Variants in TEAD1 observed in about 807,000 individuals in gnomAD.
The protein encoded by TEAD1 is transcriptional enhancer factor TEF-1.
In TEAD1, 9 loss-of-function variants were observed where a neutral mutation model predicts 54.9. The observed-to-expected ratio is 0.16, with a 90% CI of 0.10 to 0.29. The LOEUF (loss-of-function observed/expected upper bound fraction) is 0.29, where lower values mean the gene tolerates loss of function less well. Among genes scored for constraint, TEAD1 ranks in the 10% least tolerant of loss-of-function variants. The pLI, the probability that TEAD1 is intolerant of heterozygous loss-of-function variation, is 1.00. For missense variants in TEAD1, 387 were observed against 535.9 expected (o/e 0.72, Z 2.74); for synonymous variants, 200 against 187.8 (o/e 1.07, Z -0.53).
chr11:12,704,957 A>G (rs758410660), intron 2 of TEAD1, among the ~76,000 whole-genome samples: 1 of 152,180 alleles, frequency 6.6e-6, no homozygotes, highest in Non-Finnish European at 1.5e-5. Flanking sequence ...TGTATGCCCA[A>G]CTCTGTGCTT....
chr11:12,787,807 T>G (rs1945710379), intron 3 of TEAD1, among the ~76,000 whole-genome samples: 1 of 152,214 alleles, frequency 6.6e-6, no homozygotes, highest in Non-Finnish European at 1.5e-5. Flanking sequence ...AGAAAAATAC[T>G]GAGGCTATAA....
chr11:12,794,406 TTGTC>T (rs1356098530), intron 3 of TEAD1, among the ~76,000 whole-genome samples: 4 of 152,208 alleles, frequency 2.6e-5, no homozygotes, highest in South Asian at 2.1e-4. Context: ...AGAATAAACT[TTGTC>T]TGTGTATTAT....
intron 3 of TEAD1, among the ~76,000 whole-genome samples, chr11:12,854,465 C>T (rs1947332849): frequency 6.6e-6 from 1 of 152,176 alleles, no homozygotes; most frequent in African/African-American, 2.4e-5. Flanking sequence ...AGTAGCTGTG[C>T]TGTGTGCTGT....
chr11:12,834,793 T>C (rs1946854087), intron 3 of TEAD1, among the ~76,000 whole-genome samples: 1 of 151,524 alleles, frequency 6.6e-6, no homozygotes, highest in African/African-American at 2.4e-5. Context: ...ATTTTAAGTT[T>C]GTTTGTAGAG....
chr11:12,679,104 C>T (rs920321582), intron 2 of TEAD1, among the ~76,000 whole-genome samples: 1 of 152,020 alleles, frequency 6.6e-6, no homozygotes, highest in Admixed American at 6.5e-5. Context: ...CACTCGTTTC[C>T]TCTTCTTGAT....
At chr11:12,882,103 T>A in intron 8 of TEAD1, 146 bp downstream of exon 8, 1 of 847,782 alleles carries the variant, frequency 1.2e-6, no homozygotes, top group Non-Finnish European at 1.9e-6. Context: ...GGGTAGCCTG[T>A]AGCTCAGGAG....
chr11:12,674,873 G>C (rs1236460886), intron 1 of TEAD1, 39 bp downstream of exon 1: 1 of 147,088 alleles, frequency 6.8e-6, no homozygotes, highest in Non-Finnish European at 1.5e-5. Context: ...GGTGCGGGGG[G>C]CGCACGGGGC....
At chr11:12,817,843 TCTGA>T in intron 3 of TEAD1, among the ~76,000 whole-genome samples, 2 of 152,346 alleles carry the variant, frequency 1.3e-5, no homozygotes, top group South Asian at 4.1e-4. Flanking sequence ...AACACAGTCC[TCTGA>T]CTCATGTCAG....
intron 3 of TEAD1, among the ~76,000 whole-genome samples, chr11:12,802,484 T>TC (rs1407812026): frequency 6.6e-6 from 1 of 151,972 alleles, no homozygotes; most frequent in Non-Finnish European, 1.5e-5. Context: ...AATTACATGT[T>TC]CCCCCCATCT....
At chr11:12,810,360 G>A (rs181178000) in intron 3 of TEAD1, among the ~76,000 whole-genome samples, 5 of 152,236 alleles carry the variant, frequency 3.3e-5, no homozygotes, top group African/African-American at 9.6e-5. Flanking sequence ...GGAAGTGTCC[G>A]GATGTATGGA....
intron 2 of TEAD1, among the ~76,000 whole-genome samples, chr11:12,718,157 C>T (rs546552924): frequency 6.6e-5 from 10 of 152,286 alleles, no homozygotes; most frequent in African/African-American, 2.2e-4. Context: ...CCATGTCATA[C>T]AGAGACATGT....
chr11:12,831,061 C>T (rs545243004), intron 3 of TEAD1, among the ~76,000 whole-genome samples: 1 of 152,306 alleles, frequency 6.6e-6, no homozygotes, highest in East Asian at 1.9e-4. Flanking sequence ...TCCAGCCGTT[C>T]AGTTCCACTG....
intron 3 of TEAD1, among the ~76,000 whole-genome samples, chr11:12,802,673 ACTTTTGT>A (rs922834733): frequency 1.3e-5 from 2 of 151,998 alleles, no homozygotes; most frequent in Admixed American, 6.5e-5. Flanking sequence ...AAGAAAACAC[ACTTTTGT>A]CATTTCTTCA....
intron 8 of TEAD1, 65 bp from the exon 9 acceptor site, chr11:12,882,936 A>AC: frequency 6.2e-7 from 1 of 1,613,462 alleles, no homozygotes; most frequent in Non-Finnish European, 8.5e-7. Context: ...GCCCTGTTCC[A>AC]GTATTTGCCT....
At chr11:12,927,057 C>T (rs1237965565) in intron 11 of TEAD1, among the ~76,000 whole-genome samples, 1 of 152,156 alleles carries the variant, frequency 6.6e-6, no homozygotes, top group Non-Finnish European at 1.5e-5. Context: ...CTCAATTTCC[C>T]AAATGTCAAA....
chr11:12,821,198 T>C (rs1046965377), intron 3 of TEAD1, among the ~76,000 whole-genome samples: 4 of 152,156 alleles, frequency 2.6e-5, no homozygotes, highest in Non-Finnish European at 5.9e-5. Flanking sequence ...TGGTGTGTTG[T>C]TGAGTAGAAA....
intron 2 of TEAD1, among the ~76,000 whole-genome samples, chr11:12,751,441 G>A (rs1944868195): frequency 6.6e-6 from 1 of 152,196 alleles, no homozygotes; most frequent in African/African-American, 2.4e-5. Context: ...TGCTACCTGT[G>A]GGAACACAGA....
chr11:12,839,982 T>G (rs1260225643), intron 3 of TEAD1, among the ~76,000 whole-genome samples: 2 of 151,874 alleles, frequency 1.3e-5, no homozygotes, highest in Non-Finnish European at 2.9e-5. Context: ...GCGCGGTGGT[T>G]CACGCCTGTA....
At position 12,739,133 on chromosome 11, in the gene TEAD1, T is replaced by C. The variant is rs1378720078; in HGVS notation, c.-54-25046T>C. Among the ~76,000 whole-genome samples, 5 of 152,200 alleles carry C rather than the reference T, an allele frequency of 3.3e-5. No individual in the cohort carries two copies. The East Asian group carries it at 7.7e-4, about 23-fold the overall frequency. The stretch of plus-strand genomic sequence containing the variant: ...ATGAGTGCTCCAGCACTGAGAGTTA[T>C]GTTTAGGTTACACTGTGAGTATAAT... On this transcript the variant is annotated intron_variant, in intron 2 of 12. Coordinates refer to ENST00000527636, the MANE Select transcript of TEAD1 (RefSeq NM_021961.6).
Sources: allele counts gnomAD v4.1 joint callset (sites outside exome capture counted in the v4.1 genomes callset), GRCh38; gene constraint gnomAD v4.1.1; transcripts MANE v1.5; gene names NCBI Gene and HGNC (gene_info 2026-07-23, HGNC 2026-07-21).